TNKS: variants seen among roughly 807,000 people sequenced by gnomAD.
TNKS encodes the protein poly [ADP-ribose] polymerase tankyrase-1.
In TNKS, 72 loss-of-function variants were observed where a neutral mutation model predicts 135.8. The ratio of observed to expected loss-of-function variants is 0.53; its 90% CI spans 0.44 to 0.64. The LOEUF is 0.64. Ranked by LOEUF, TNKS falls within the 30% of genes least tolerant of loss-of-function variation. TNKS has a pLI of 0.00. For missense variants in TNKS, 1,769 were observed against 1,674.0 expected, an observed-to-expected ratio of 1.06 and a Z score of -0.99; for synonymous variants, 849 against 649.3, an observed-to-expected ratio of 1.31 and a Z score of -4.68.
intron 25 of TNKS, among the ~76,000 whole-genome samples, chr8:9,767,974 A>G (rs956559883): frequency 2.0e-5 from 3 of 151,930 alleles, no homozygotes; most frequent in Admixed American, 6.6e-5. Flanking sequence ...AAAAAAAAAA[A>G]AAGAATACAG....
chr8:9,591,124 A>G (rs547389309), intron 2 of TNKS, among the ~76,000 whole-genome samples: 88 of 152,322 alleles, frequency 5.8e-4, no homozygotes, highest in Non-Finnish European at 1.1e-3. Flanking sequence ...GTGGCTATCC[A>G]GTTTTCTCAT....
intron 3 of TNKS, 42 bp from the exon 4 acceptor site, chr8:9,679,909 T>C: frequency 1.3e-6 from 2 of 1,553,548 alleles, no homozygotes; most frequent in Non-Finnish European, 1.8e-6. Flanking sequence ...TTAATCTGTC[T>C]TCTGCCAAAT....
At chr8:9,713,851 T>A (rs944945382) in intron 11 of TNKS, among the ~76,000 whole-genome samples, 1 of 152,160 alleles carries the variant, frequency 6.6e-6, no homozygotes, top group Non-Finnish European at 1.5e-5. Flanking sequence ...CCATTTTTTC[T>A]TGCGTAGTAT....
intron 5 of TNKS, among the ~76,000 whole-genome samples, chr8:9,688,410 G>A (rs972007033): frequency 1.3e-5 from 2 of 152,162 alleles, no homozygotes; most frequent in African/African-American, 2.4e-5. Context: ...ACTTTGAATT[G>A]ACATTATTAA....
intron 25 of TNKS, among the ~76,000 whole-genome samples, chr8:9,769,419 T>G (rs1326969804): frequency 6.6e-6 from 1 of 152,200 alleles, no homozygotes; most frequent in Admixed American, 6.5e-5. Context: ...CATGATCCAC[T>G]TTTATTATTA....
At chr8:9,644,407 T>C (rs1057340676) in intron 3 of TNKS, among the ~76,000 whole-genome samples, 3 of 152,228 alleles carry the variant, frequency 2.0e-5, no homozygotes, top group African/African-American at 7.2e-5. Flanking sequence ...GTTATCATTA[T>C]AGTTTAGTTA....
Position 9,770,218 on chromosome 8 carries a change from A to G in TNKS, c.3853A>G (p.Asn1285Asp). ...HHSVIGRPSV[N>D]GLAYAEYVIY... ...CTCAGTCATTGGTAGACCGAGCGTC[A>G]ATGGGCTGGCATATGCTGAATATGT... Residue 1285 changes from asparagine to aspartate, a missense_variant, in exon 26 of 27, where the codon AAT becomes GAT. By Grantham distance (23) the Asn-to-Asp change is conservative. This residue lies in a region of TNKS where 722 missense variants were observed against 688.9 expected (regional missense o/e 1.05). Transcript: ENST00000310430. 1 of 1,613,474 alleles carries G rather than the reference A, an allele frequency of 6.2e-7. No homozygotes were observed.
chr8:9,709,040 A>T (rs1384928574), intron 9 of TNKS, among the ~76,000 whole-genome samples: 1 of 152,062 alleles, frequency 6.6e-6, no homozygotes. Context: ...TTTCTTTGTC[A>T]TTGACACATT....
At position 9,667,161 on chromosome 8, in the gene TNKS, A is replaced by C. The variant is rs954573720; in HGVS notation, c.995-12790A>C. 3.9e-5 allele frequency among the ~76,000 whole-genome samples: 6 copies of C among 152,248 alleles called. No homozygotes were observed. In the East Asian group the frequency reaches 1.2e-3, roughly 29 times the overall value. ...CAGAATACTCAAAAACACTTTCTTC[A>C]GAGATTCTTCTTAATATTTGTATTA... On this transcript the variant is annotated intron_variant, in intron 3 of 26. Transcript: ENST00000310430.
At chr8:9,754,409 G>A (rs562046054) in intron 20 of TNKS, among the ~76,000 whole-genome samples, 4 of 151,978 alleles carry the variant, frequency 2.6e-5, no homozygotes, top group Non-Finnish European at 5.9e-5. Flanking sequence ...GGCCCATTAT[G>A]GTTCCCTTCT....
intron 25 of TNKS, 34 bp from the exon 26 acceptor site, chr8:9,770,072 T>C (rs756046635): frequency 1.9e-6 from 3 of 1,564,448 alleles, no homozygotes; most frequent in Non-Finnish European, 2.6e-6. Context: ...ATTTAAAGCT[T>C]CCTTCAAAGC....
chr8:9,753,029 G>T (rs530799421), intron 20 of TNKS, among the ~76,000 whole-genome samples: 1 of 150,392 alleles, frequency 6.6e-6, no homozygotes, highest in East Asian at 1.9e-4. Flanking sequence ...TGCTTCTTAC[G>T]AGCTATTCTT....
chr8:9,659,933 T>C (rs201325986), intron 3 of TNKS, among the ~76,000 whole-genome samples: 3 of 151,960 alleles, frequency 2.0e-5, no homozygotes, highest in Non-Finnish European at 4.4e-5. Context: ...GAAATACAAA[T>C]TACTATCAGA....
At chr8:9,760,170 A>G (rs1444089588) in intron 20 of TNKS, among the ~76,000 whole-genome samples, 1 of 152,158 alleles carries the variant, frequency 6.6e-6, no homozygotes, top group African/African-American at 2.4e-5. Context: ...AAAGGCTCCT[A>G]TTATTTTGTG....
At chr8:9,746,423 G>A (rs1014935536) in intron 17 of TNKS, among the ~76,000 whole-genome samples, 1 of 152,124 alleles carries the variant, frequency 6.6e-6, no homozygotes, top group East Asian at 1.9e-4. Context: ...GAGTGAACCT[G>A]GTCTCCATGG....
intron 3 of TNKS, among the ~76,000 whole-genome samples, chr8:9,619,513 C>G (rs1045926872): frequency 7.9e-5 from 12 of 152,140 alleles, no homozygotes; most frequent in Non-Finnish European, 7.4e-5. Flanking sequence ...CACAGCATTG[C>G]TAAGATGGTT....
At chr8:9,728,794 A>C (rs1398940417) in intron 13 of TNKS, among the ~76,000 whole-genome samples, 1 of 152,094 alleles carries the variant, frequency 6.6e-6, no homozygotes, top group Non-Finnish European at 1.5e-5. Context: ...AGGCTGGTGC[A>C]TTTCCGTATA....
chr8:9,769,895 C>T (rs1250605567), intron 25 of TNKS, among the ~76,000 whole-genome samples: 1 of 152,108 alleles, frequency 6.6e-6, no homozygotes, highest in Non-Finnish European at 1.5e-5. Flanking sequence ...ACCAAAACTA[C>T]TTTAAACTTT....
chr8:9,698,130 C>T (rs1027367990), intron 5 of TNKS, among the ~76,000 whole-genome samples: 2 of 151,998 alleles, frequency 1.3e-5, no homozygotes, highest in Non-Finnish European at 2.9e-5. Context: ...GGCCATTAAC[C>T]TAAACGAATT....
Sources: allele counts gnomAD v4.1 joint callset (sites outside exome capture counted in the v4.1 genomes callset), GRCh38; gene constraint gnomAD v4.1.1; regional missense constraint gnomAD v4.1.1; transcripts MANE v1.5; gene names NCBI Gene and HGNC (gene_info 2026-07-23, HGNC 2026-07-21).